Variants in ZSCAN5A observed in about 807,000 individuals in gnomAD.
ZSCAN5A encodes zinc finger and SCAN domain containing 5A.
A neutral mutation model predicts 23.7 loss-of-function variants in ZSCAN5A; 12 were observed. That is an observed-to-expected ratio of 0.51 (90% CI 0.32 to 0.82). The LOEUF is 0.82. Ranked by LOEUF, ZSCAN5A falls within the 40% of genes least tolerant of loss-of-function variation. The probability of loss-of-function intolerance (pLI) is 0.03; values close to 1 mark genes in which losing one functional copy is unlikely to be tolerated. For missense variants in ZSCAN5A, 597 were observed against 617.9 expected (o/e 0.97, Z 0.36); for synonymous variants, 257 against 239.9 (o/e 1.07, Z -0.66).
At chr19:56,325,836 AATAT>A (rs1205719100) in intron 2 of ZSCAN5A, among the ~76,000 whole-genome samples, 1 of 152,148 alleles carries the variant, frequency 6.6e-6, no homozygotes, top group African/African-American at 2.4e-5. Flanking sequence ...TTAAGAAGAC[AATAT>A]ATATTGAGTG....
chr19:56,247,496 G>A (rs2036012239), intron 2 of ZSCAN5A: 1 of 161,842 alleles, frequency 6.2e-6, no homozygotes, highest in Non-Finnish European at 1.4e-5. Flanking sequence ...TGTGAAGGAT[G>A]ATTTTTCACT....
chr19:56,343,604 T>C (rs71352885), intron 2 of ZSCAN5A, among the ~76,000 whole-genome samples: 1 of 152,216 alleles, frequency 6.6e-6, no homozygotes, highest in South Asian at 2.1e-4. Context: ...AAATGGATGT[T>C]CCAAGACTAA....
At chr19:56,336,587 CAA>C (rs2041539239) in intron 2 of ZSCAN5A, among the ~76,000 whole-genome samples, 1 of 152,236 alleles carries the variant, frequency 6.6e-6, no homozygotes, top group Admixed American at 6.5e-5. Context: ...CTCAACTCGT[CAA>C]AGTCATTCTC....
intron 2 of ZSCAN5A, among the ~76,000 whole-genome samples, chr19:56,296,832 G>A (rs1008320514): frequency 4.6e-5 from 7 of 152,118 alleles, no homozygotes; most frequent in Non-Finnish European, 1.0e-4. Flanking sequence ...TCAGAAGTTC[G>A]AGACCAGCCT....
At chr19:56,326,339 TGAG>T (rs1468113382) in intron 2 of ZSCAN5A, among the ~76,000 whole-genome samples, 5 of 130,142 alleles carry the variant, frequency 3.8e-5, no homozygotes, top group Non-Finnish European at 1.6e-5. Flanking sequence ...GTGTGTGTGG[TGAG>T]AACATTTGAG....
At chr19:56,245,152 G>A in intron 2 of ZSCAN5A, 2 of 459,972 alleles carry the variant, frequency 4.3e-6, no homozygotes, top group South Asian at 2.4e-5. Flanking sequence ...CATTATGGCA[G>A]GACCCAGGGA....
chr19:56,288,700 C>A (rs1487471510), intron 2 of ZSCAN5A, among the ~76,000 whole-genome samples: 1 of 152,144 alleles, frequency 6.6e-6, no homozygotes, highest in Non-Finnish European at 1.5e-5. Context: ...TGTCTTCACC[C>A]GTAAAATGAG....
chr19:56,317,053 T>C (rs2063513421), upstream of ZSCAN5A: 1 of 152,380 alleles, frequency 6.6e-6, no homozygotes, highest in South Asian at 2.1e-4. Flanking sequence ...CCCAGGCTGG[T>C]CTCGAACTCC....
chr19:56,353,769 G>A (rs779267625), intron 2 of ZSCAN5A, among the ~76,000 whole-genome samples: 116 of 151,884 alleles, frequency 7.6e-4, no homozygotes, highest in African/African-American at 2.7e-3. Context: ...GTGACAGAGC[G>A]AGACTCTGTC....
At chr19:56,225,227 C>T in intron 2 of ZSCAN5A, 54 bp from the exon 3 acceptor site, 1 of 1,397,180 alleles carries the variant, frequency 7.2e-7, no homozygotes, top group South Asian at 1.7e-5. Flanking sequence ...CCATCCATCC[C>T]TCCCTTCGAA....
chr19:56,321,619 G>T, intron 2 of ZSCAN5A: 1 of 834,874 alleles, frequency 1.2e-6, no homozygotes, highest in Non-Finnish European at 2.1e-6. Flanking sequence ...TCAGCACAAT[G>T]GCAAGGTTCA....
chr19:56,228,745 G>C (rs1888844229), intron 2 of ZSCAN5A, among the ~76,000 whole-genome samples: 1 of 152,008 alleles, frequency 6.6e-6, no homozygotes, highest in African/African-American at 2.4e-5. Context: ...ATGAATATTG[G>C]TGATAATTTT....
intron 2 of ZSCAN5A, among the ~76,000 whole-genome samples, chr19:56,272,217 ATGT>A (rs1487282648): frequency 1.3e-5 from 2 of 152,224 alleles, no homozygotes; most frequent in Non-Finnish European, 2.9e-5. Context: ...AATACGATAG[ATGT>A]TGTTTGCTTG....
Position 56,221,966 on chromosome 19 carries a change from C to T in ZSCAN5A, c.1100G>A (p.Cys367Tyr), listed in dbSNP as rs1282542978. 6.2e-7 allele frequency: 1 copy of T among 1,613,916 alleles called. No individual in the cohort carries two copies. Among genetic ancestry groups the T allele is most frequent in the South Asian group, 1.1e-5 (1 of 91,084 alleles). The change falls in exon 6 of 6, where the codon TGT (cysteine) becomes TAT (tyrosine). Residue 367 changes from cysteine to tyrosine, a missense_variant. Cys to Tyr is a radical substitution (Grantham distance 194). Transcript: ENST00000683990. ...ACDVCEKRFTCNSKLVIHKRS... is the reference protein window; with the variant it reads ...ACDVCEKRFTYNSKLVIHKRS... Reference sequence around the variant, plus strand: ...CTTGTGGATGACTAGCTTGGAATTACACGTAAACCTCTTCTCGCACACGTC... The same window carrying T: ...CTTGTGGATGACTAGCTTGGAATTATACGTAAACCTCTTCTCGCACACGTC...
intron 2 of ZSCAN5A, chr19:56,299,843 C>A (rs962126384): frequency 6.6e-6 from 1 of 152,292 alleles, no homozygotes; most frequent in African/African-American, 2.4e-5. Context: ...CAGAGTCCAG[C>A]GACACAGAGG....
intron 2 of ZSCAN5A, chr19:56,246,359 C>T: frequency 4.0e-6 from 2 of 498,014 alleles, no homozygotes; most frequent in Non-Finnish European, 7.3e-6. Flanking sequence ...ATGAAAAGTG[C>T]CCCAAAGGCT....
chr19:56,266,054 C>T (rs1364384436), intron 2 of ZSCAN5A, among the ~76,000 whole-genome samples: 1 of 152,162 alleles, frequency 6.6e-6, no homozygotes, highest in East Asian at 1.9e-4. Context: ...GATTCAAATC[C>T]TACCTCTTCC....
chr19:56,366,400 G>C (rs2041765335), intron 1 of ZSCAN5A, among the ~76,000 whole-genome samples: 1 of 146,260 alleles, frequency 6.8e-6, no homozygotes, highest in Non-Finnish European at 1.5e-5. Flanking sequence ...TCCAGCCTGG[G>C]TGACACAGCG....
chr19:56,259,605 A>G (rs2036973823), intron 2 of ZSCAN5A, among the ~76,000 whole-genome samples: 1 of 152,226 alleles, frequency 6.6e-6, no homozygotes, highest in African/African-American at 2.4e-5. Context: ...CATGTGTTTG[A>G]GTAGCTAAAA....
Sources: allele counts gnomAD v4.1 joint callset (sites outside exome capture counted in the v4.1 genomes callset), GRCh38; gene constraint gnomAD v4.1.1; transcripts MANE v1.5; gene names NCBI Gene and HGNC (gene_info 2026-07-23, HGNC 2026-07-21).